The following CNOT4 variants were observed in gnomAD, a reference collection of about 807,000 sequenced individuals.
CNOT4 encodes CCR4-associated factor 4.
Under a neutral mutation model 73.8 loss-of-function variants are expected in CNOT4, and 8 were observed. The ratio of observed to expected loss-of-function variants is 0.11; its 90% confidence interval spans 0.06 to 0.20. The LOEUF is 0.20. Among genes scored for constraint, CNOT4 ranks in the 10% least tolerant of loss-of-function variants. CNOT4 has a pLI of 1.00. For missense variants in CNOT4, 564 were observed against 883.4 expected, an observed-to-expected ratio of 0.64 and a Z score of 4.58; for synonymous variants, 293 against 321.1, an observed-to-expected ratio of 0.91 and a Z score of 0.94.
intron 10 of CNOT4, among the ~76,000 whole-genome samples, chr7:135,390,965 G>A (rs924629872): frequency 6.6e-6 from 1 of 152,104 alleles, no homozygotes; most frequent in Non-Finnish European, 1.5e-5. Flanking sequence ...GAAGCATTTA[G>A]TGACAGCTGC....
In CNOT4 at chr7:135,363,717, G is replaced by T; in HGVS notation, c.1840+137C>A. On this transcript the variant is annotated intron_variant, in intron 11 of 11. Coordinates refer to ENST00000541284, the MANE Select transcript of CNOT4 (RefSeq NM_001190850.2). This position sits in a 1 kb window ranked among gnomAD's most constrained non-coding sequence, Gnocchi z 4.3. ...GTTAAATGAGACTTGCATGACCCCT[G>T]AGAACGAAACAAGCCACTCCACACT... 1.5e-6 allele frequency: 1 copy of T among 675,716 alleles called. No homozygotes were observed. The highest frequency in any genetic ancestry group is 2.4e-6 in the Non-Finnish European group (1 of 410,180). The allele number at this position is 675,716 out of a possible 1,614,324, so 41.9% of individuals were successfully genotyped here.
At chr7:135,449,482 A>G (rs1800035027) in intron 1 of CNOT4, among the ~76,000 whole-genome samples, 1 of 152,242 alleles carries the variant, frequency 6.6e-6, no homozygotes, top group Admixed American at 6.5e-5. Context: ...CCCAAATGTG[A>G]TCAATAAGCC....
chr7:135,402,112 CT>C (rs71531849), intron 7 of CNOT4, among the ~76,000 whole-genome samples: 145 of 142,182 alleles, frequency 1.0e-3, no homozygotes, highest in South Asian at 1.8e-3. Context: ...AAGACTATAT[CT>C]TTTTTTTTTT....
intron 1 of CNOT4, among the ~76,000 whole-genome samples, chr7:135,458,814 C>T (rs1800702446): frequency 6.6e-6 from 1 of 151,992 alleles, no homozygotes; most frequent in Admixed American, 6.6e-5. Context: ...ACCATATCTG[C>T]AGTTACTTCC....
At chr7:135,391,894 G>A (rs1019589099) in intron 10 of CNOT4, among the ~76,000 whole-genome samples, 1 of 151,906 alleles carries the variant, frequency 6.6e-6, no homozygotes, top group African/African-American at 2.4e-5. Flanking sequence ...ATCCCATAAA[G>A]GCATCCTACT....
chr7:135,372,925 A>C (rs1297925936), intron 10 of CNOT4, among the ~76,000 whole-genome samples: 5 of 152,214 alleles, frequency 3.3e-5, no homozygotes, highest in Admixed American at 3.3e-4. Context: ...GAGTGGTCCC[A>C]TGGTTATAGA....
In CNOT4 at chr7:135,455,081, C is replaced by T. The variant is rs541462133; in HGVS notation, c.-92-16658G>A. On this transcript the variant is annotated intron_variant, in intron 1 of 11. Transcript: ENST00000541284. ...CCAGCCTGGACTACAAAGCGAGGCC[C>T]TGTGTGAAAAAAGGACAGGACAGGA... Among the ~76,000 whole-genome samples, 7 of 151,666 alleles carry T rather than the reference C, an allele frequency of 4.6e-5. No homozygotes were observed. The South Asian group carries it at 1.3e-3, about 27-fold the overall frequency.
chr7:135,388,608 G>C (rs1796242942), intron 10 of CNOT4: 1 of 1,208,170 alleles, frequency 8.3e-7, no homozygotes, highest in Non-Finnish European at 1.0e-6. Flanking sequence ...AATAAATTAT[G>C]TTAAAGGCCT....
At chr7:135,463,308 C>A (rs937842376) in intron 1 of CNOT4, among the ~76,000 whole-genome samples, 2 of 152,058 alleles carry the variant, frequency 1.3e-5, no homozygotes, top group Non-Finnish European at 2.9e-5. Context: ...GAGGCCGAGG[C>A]GAGTAGATCA....
intron 3 of CNOT4, among the ~76,000 whole-genome samples, chr7:135,418,406 G>A (rs571687786): frequency 4.6e-5 from 7 of 152,268 alleles, no homozygotes; most frequent in Admixed American, 4.6e-4. Flanking sequence ...TAGAAAATAA[G>A]AGGCCATGTG....
chr7:135,461,128 C>G (rs973091744), intron 1 of CNOT4, among the ~76,000 whole-genome samples: 13 of 152,136 alleles, frequency 8.5e-5, no homozygotes, highest in African/African-American at 2.9e-4. Flanking sequence ...CAGAAAATTA[C>G]CCCACAATTT....
At position 135,388,733 on chromosome 7, in the gene CNOT4, C is replaced by T. The variant is rs973697763; in HGVS notation, c.1627+5185G>A. 9.6e-6 allele frequency: 15 copies of T among 1,562,852 alleles called. No homozygotes were observed. The African/African-American group carries it at 1.8e-4, about 18-fold the overall frequency. On this transcript the variant is annotated intron_variant, in intron 10 of 11. Coordinates refer to ENST00000541284, the MANE Select transcript of CNOT4 (RefSeq NM_001190850.2). The stretch of plus-strand genomic sequence containing the variant: ...AAAGCAAAATCATAAAGGAATCATG[C>T]AAAAATCCAGTTGCCCATGCAAGCA...
intron 1 of CNOT4, among the ~76,000 whole-genome samples, chr7:135,492,076 A>G (rs1214595889): frequency 2.1e-4 from 32 of 152,240 alleles, no homozygotes. Flanking sequence ...ACAATGAAGT[A>G]GAAATCAGGT....
chr7:135,370,969 T>C (rs558071570), intron 10 of CNOT4, among the ~76,000 whole-genome samples: 20 of 152,346 alleles, frequency 1.3e-4, no homozygotes, highest in African/African-American at 4.8e-4. Context: ...AGGAATGTTT[T>C]ATTAAAAACA....
intron 1 of CNOT4, among the ~76,000 whole-genome samples, chr7:135,443,182 C>G (rs1370019036): frequency 7.8e-6 from 1 of 127,566 alleles, no homozygotes; most frequent in Non-Finnish European, 1.7e-5. Flanking sequence ...GAAACCCTAT[C>G]TCTACCAAAA....
At chr7:135,477,936 TTC>T (rs1802098416) in intron 1 of CNOT4, among the ~76,000 whole-genome samples, 2 of 151,786 alleles carry the variant, frequency 1.3e-5, no homozygotes, top group South Asian at 2.1e-4. Flanking sequence ...CTATATGTAC[TTC>T]TGTGTGTAAA....
chr7:135,447,223 A>G (rs1799887938), intron 1 of CNOT4, among the ~76,000 whole-genome samples: 1 of 152,240 alleles, frequency 6.6e-6, no homozygotes, highest in African/African-American at 2.4e-5. Flanking sequence ...TATTTACATA[A>G]ACTACACGAA....
At chr7:135,414,792 A>C (rs1027125729) in intron 4 of CNOT4, among the ~76,000 whole-genome samples, 2 of 152,140 alleles carry the variant, frequency 1.3e-5, no homozygotes, top group African/African-American at 4.8e-5. Flanking sequence ...TCTCAAAAAT[A>C]AATGCAATCT....
intron 10 of CNOT4, among the ~76,000 whole-genome samples, chr7:135,374,900 T>TA (rs1391106000): frequency 6.6e-6 from 1 of 152,174 alleles, no homozygotes; most frequent in Non-Finnish European, 1.5e-5. Context: ...TTTACTTAAA[T>TA]AGGCTTATGA....
Sources: gnomAD v4.1 joint callset for allele counts (sites outside exome capture counted in the v4.1 genomes callset) on GRCh38, gnomAD v4.1.1 for gene constraint, Gnocchi (gnomAD v3.1) non-coding constraint, MANE v1.5 for transcripts, NCBI Gene and HGNC (gene_info 2026-07-23, HGNC 2026-07-21) for gene names.